SERGEF: variants seen among roughly 807,000 people sequenced by gnomAD.
SERGEF encodes secretion-regulating guanine nucleotide exchange factor.
SERGEF carries 51 observed loss-of-function variants against 50.0 expected under a neutral mutation model. The ratio of observed to expected loss-of-function variants is 1.02; its 90% CI spans 0.81 to 1.29. The LOEUF (loss-of-function observed/expected upper bound fraction) is 1.29. SERGEF is among the 50% of genes most tolerant of loss of function. The probability of loss-of-function intolerance (pLI) is 0.00; values close to 1 mark genes in which losing one functional copy is unlikely to be tolerated. For synonymous variants in SERGEF, 205 were observed against 212.4 expected (o/e 0.97, Z 0.30); for missense variants, 521 against 557.0 (o/e 0.94, Z 0.65).
Position 17,995,795 on chromosome 11 carries a change from C to T in SERGEF, c.622+1G>A, listed in dbSNP as rs773200187. 1 of 1,598,476 alleles carries T rather than the reference C, an allele frequency of 6.3e-7. No homozygotes were observed. The highest frequency in any genetic ancestry group is 8.6e-7 in the Non-Finnish European group (1 of 1,165,962). On this transcript the variant is annotated splice_donor_variant, in intron 6 of 10. Coordinates refer to ENST00000265965, the MANE Select transcript of SERGEF (RefSeq NM_012139.4). LOFTEE classifies it high-confidence loss of function. The stretch of plus-strand genomic sequence containing the variant: ...TAGGACTAAAGAAAGAAGCATCTTA[C>T]CTGTCACTCTGCTTGGTTCCTTTGC...
intron 8 of SERGEF, among the ~76,000 whole-genome samples, chr11:17,974,231 A>G (rs1853319678): frequency 6.6e-6 from 1 of 152,150 alleles, no homozygotes; most frequent in Non-Finnish European, 1.5e-5. Context: ...AACACCCTCT[A>G]CTAGCAGCTC....
At chr11:18,001,938 T>G (rs1853971279) in intron 4 of SERGEF, 2 of 455,452 alleles carry the variant, frequency 4.4e-6, no homozygotes, top group African/African-American at 4.0e-5. Flanking sequence ...GACCTGAGTC[T>G]TATATACCTT....
intron 8 of SERGEF, among the ~76,000 whole-genome samples, chr11:17,967,204 A>G (rs1853142283): frequency 6.6e-6 from 1 of 152,214 alleles, no homozygotes; most frequent in African/African-American, 2.4e-5. Flanking sequence ...GCAGCTTTCA[A>G]TGGCAAAGCT....
At chr11:17,807,513 G>A (rs933869825) in intron 10 of SERGEF, among the ~76,000 whole-genome samples, 2 of 152,188 alleles carry the variant, frequency 1.3e-5, no homozygotes, top group African/African-American at 4.8e-5. Flanking sequence ...TCACCCAGGG[G>A]GTAATGCGGT....
intron 8 of SERGEF, among the ~76,000 whole-genome samples, chr11:17,960,923 T>A (rs1347137994): frequency 6.6e-6 from 1 of 152,242 alleles, no homozygotes; most frequent in African/African-American, 2.4e-5. Flanking sequence ...AATGTACTCC[T>A]TCATGGCTCT....
At chr11:17,826,406 A>C (rs1411017400) in intron 10 of SERGEF, among the ~76,000 whole-genome samples, 1 of 152,232 alleles carries the variant, frequency 6.6e-6, no homozygotes, top group African/African-American at 2.4e-5. Flanking sequence ...CGGGCTCCCC[A>C]GTGGGAGTTT....
intron 4 of SERGEF, chr11:18,002,113 T>C (rs994816080): frequency 9.1e-6 from 4 of 441,082 alleles, no homozygotes; most frequent in Non-Finnish European, 1.8e-5. Context: ...ATCTTAGCGT[T>C]AATACAATTT....
intron 1 of SERGEF, chr11:18,010,341 T>G (rs1224145991): frequency 4.1e-6 from 1 of 241,336 alleles, no homozygotes; most frequent in African/African-American, 2.2e-5. Context: ...AATTACTGAG[T>G]GCTTCTCTCC....
intron 8 of SERGEF, among the ~76,000 whole-genome samples, chr11:17,971,334 C>T (rs1853245235): frequency 6.6e-6 from 1 of 152,222 alleles, no homozygotes; most frequent in East Asian, 1.9e-4. Context: ...CACTACACAA[C>T]AGCTTTTCAA....
chr11:17,966,811 C>T (rs567844789), intron 8 of SERGEF, among the ~76,000 whole-genome samples: 36 of 152,098 alleles, frequency 2.4e-4, no homozygotes, highest in Non-Finnish European at 3.5e-4. Flanking sequence ...AGAAAAAAGC[C>T]CGCAAAGAGA....
At chr11:17,974,774 C>T (rs1180602391) in intron 8 of SERGEF, among the ~76,000 whole-genome samples, 1 of 152,152 alleles carries the variant, frequency 6.6e-6, no homozygotes, top group Non-Finnish European at 1.5e-5. Flanking sequence ...CCACAATTTA[C>T]TATTGTTTTC....
At chr11:17,898,848 T>C (rs1851693447) in intron 9 of SERGEF, among the ~76,000 whole-genome samples, 1 of 152,148 alleles carries the variant, frequency 6.6e-6, no homozygotes, top group Non-Finnish European at 1.5e-5. Context: ...TCATGTCAAA[T>C]TGTAATCCCC....
At chr11:17,864,379 C>T (rs1298719366) in intron 10 of SERGEF, among the ~76,000 whole-genome samples, 4 of 152,212 alleles carry the variant, frequency 2.6e-5, no homozygotes, top group Admixed American at 6.5e-5. Flanking sequence ...ATATAAATGT[C>T]GCTTCTTTAG....
chr11:17,804,333 G>C (rs139224670), intron 10 of SERGEF, among the ~76,000 whole-genome samples: 16 of 152,286 alleles, frequency 1.1e-4, no homozygotes, highest in African/African-American at 3.9e-4. Context: ...ATTCTGACTG[G>C]AGCAGGGATG....
intron 10 of SERGEF, chr11:17,846,799 G>A: frequency 2.2e-6 from 1 of 455,920 alleles, no homozygotes; most frequent in Non-Finnish European, 4.4e-6. Flanking sequence ...ATTGAACCCA[G>A]AATGGTGGCT....
At chr11:18,004,561 C>T (rs1565229158) in intron 3 of SERGEF, 26 bp from the exon 4 acceptor site, 1 of 1,515,722 alleles carries the variant, frequency 6.6e-7, no homozygotes, top group Admixed American at 1.8e-5. Flanking sequence ...ACTTAAATTG[C>T]AAATCTATGA....
intron 10 of SERGEF, among the ~76,000 whole-genome samples, chr11:17,819,914 A>G (rs1850045686): frequency 1.3e-5 from 2 of 152,158 alleles, no homozygotes; most frequent in Non-Finnish European, 2.9e-5. Flanking sequence ...TCAAAGCTCA[A>G]TGCAGCCTCA....
chr11:17,924,867 A>G (rs1014179947), intron 9 of SERGEF, among the ~76,000 whole-genome samples: 1 of 152,132 alleles, frequency 6.6e-6, no homozygotes, highest in African/African-American at 2.4e-5. Flanking sequence ...AATTTGTGCA[A>G]TAGAGGAGCA....
chr11:17,840,021 G>C (rs934225274), intron 10 of SERGEF, among the ~76,000 whole-genome samples: 2 of 152,184 alleles, frequency 1.3e-5, no homozygotes, highest in Non-Finnish European at 2.9e-5. Context: ...GAATCTTAAA[G>C]CTGCGATTCT....
Sources: allele counts gnomAD v4.1 joint callset (sites outside exome capture counted in the v4.1 genomes callset), GRCh38; gene constraint gnomAD v4.1.1; transcripts MANE v1.5; gene names NCBI Gene and HGNC (gene_info 2026-07-23, HGNC 2026-07-21).